The following CYB5R4 variants were observed in gnomAD, a reference collection of about 807,000 sequenced individuals.
CYB5R4 encodes the protein cytochrome b5 reductase 4.
A neutral mutation model predicts 70.2 loss-of-function variants in CYB5R4; 55 were observed. The ratio of observed to expected loss-of-function variants is 0.78; its 90% CI spans 0.63 to 0.98. CYB5R4 has a LOEUF of 0.98. CYB5R4 is among the 50% of genes least tolerant of loss of function. CYB5R4 has a pLI of 0.00. For missense variants in CYB5R4, 562 were observed against 612.6 expected (o/e 0.92, Z 0.87); for synonymous variants, 197 against 199.5 (o/e 0.99, Z 0.11).
rs191172708 is a variant in CYB5R4 at position 83,901,959 on chromosome 6, C to G, written c.331-7050C>G. 2.6e-3 allele frequency among the ~76,000 whole-genome samples: 402 copies of G among 152,048 alleles called. 3 individuals carry two copies. Among genetic ancestry groups the G allele is most frequent in the African/African-American group, 9.3e-3 (386 of 41,478 alleles). ...GATAAATAGAGTGCAGATATTTTCTCCCATTCAACATGTTGTGTCTTCACT... is the reference window on the plus strand; with the variant it reads ...GATAAATAGAGTGCAGATATTTTCTGCCATTCAACATGTTGTGTCTTCACT... On this transcript the variant is annotated intron_variant, in intron 3 of 15. Coordinates refer to ENST00000369681, the MANE Select transcript of CYB5R4 (RefSeq NM_016230.4).
intron 2 of CYB5R4, among the ~76,000 whole-genome samples, chr6:83,868,610 G>A (rs958682613): frequency 6.6e-6 from 1 of 152,148 alleles, no homozygotes; most frequent in African/African-American, 2.4e-5. Context: ...TTTGTAGGGG[G>A]ATTACTGCTT....
intron 10 of CYB5R4, among the ~76,000 whole-genome samples, chr6:83,929,749 A>G (rs964233838): frequency 2.0e-5 from 3 of 152,170 alleles, no homozygotes; most frequent in South Asian, 2.1e-4. Flanking sequence ...TAACATTAGC[A>G]TTTTATCTTA....
At chr6:83,901,750 CTAAT>C (rs2099463008) in intron 3 of CYB5R4, among the ~76,000 whole-genome samples, 1 of 149,898 alleles carries the variant, frequency 6.7e-6, no homozygotes, top group African/African-American at 2.5e-5. Context: ...AGGATGATGT[CTAAT>C]TATGGTTTTG....
chr6:83,911,653 A>G (rs545291829), intron 4 of CYB5R4, among the ~76,000 whole-genome samples: 3 of 152,248 alleles, frequency 2.0e-5, no homozygotes, highest in South Asian at 2.1e-4. Flanking sequence ...TACTTCTTCT[A>G]TAGAGTCCTT....
intron 9 of CYB5R4, among the ~76,000 whole-genome samples, chr6:83,922,919 G>A (rs1249926154): frequency 6.6e-6 from 1 of 151,828 alleles, no homozygotes; most frequent in Non-Finnish European, 1.5e-5. Flanking sequence ...CTCCTGAGTA[G>A]TTGAGATCAC....
chr6:83,948,476 C>T lies in CYB5R4; in HGVS notation c.1347-6822C>T, dbSNP rs376305468. On this transcript the variant is annotated intron_variant, in intron 14 of 15. Coordinates refer to ENST00000369681, the MANE Select transcript of CYB5R4 (RefSeq NM_016230.4). ...CACATGTATACCTATGTAACCTGCA[C>T]GTTCTACACATGTATCCCAGAACTT... is the stretch of plus-strand genomic sequence containing the variant. Among the ~76,000 whole-genome samples, 33 of 151,006 alleles carry T rather than the reference C, an allele frequency of 2.2e-4. No homozygotes were observed. In the East Asian group the frequency reaches 5.1e-3, roughly 23 times the overall value.
chr6:83,894,717 T>A (rs907358033), intron 3 of CYB5R4, among the ~76,000 whole-genome samples: 6 of 152,316 alleles, frequency 3.9e-5, no homozygotes, highest in Admixed American at 3.3e-4. Context: ...TACTATATTC[T>A]TACAATAAAG....
rs2099474182 is a variant in CYB5R4, at chr6:83,966,950, G to T, written c.*7072G>T. ...TAGTAAAATTACTGAACCATGAAAA[G>T]TAAATGCCTTTAGTTATCTAAACAA... is the stretch of plus-strand genomic sequence containing the variant. On this transcript the variant is annotated 3_prime_UTR_variant, in exon 16 of 16. Transcript: ENST00000369681. 6.6e-6 allele frequency: 1 copy of T among 152,072 alleles called. No homozygotes were observed. The highest frequency in any genetic ancestry group is 2.4e-5 in the African/African-American group (1 of 41,424). 9.4% of individuals were successfully genotyped at this position (152,072 alleles called of 1,614,324 possible).
intron 14 of CYB5R4, among the ~76,000 whole-genome samples, chr6:83,941,101 C>T (rs1000772077): frequency 6.6e-6 from 1 of 152,130 alleles, no homozygotes; most frequent in Non-Finnish European, 1.5e-5. Flanking sequence ...ATTAACACTT[C>T]TTCGCTCTTT....
At chr6:83,872,492 G>C (rs1490362276) in intron 2 of CYB5R4, among the ~76,000 whole-genome samples, 2 of 152,140 alleles carry the variant, frequency 1.3e-5, no homozygotes, top group Non-Finnish European at 2.9e-5. Context: ...AACTATTTTG[G>C]CTTAAGCAGA....
chr6:83,960,095 A>G lies in CYB5R4; in HGVS notation c.*217A>G, dbSNP rs2099473088. On this transcript the variant is annotated 3_prime_UTR_variant, in exon 16 of 16. Transcript: ENST00000369681. Reference sequence around the variant, plus strand: ...TACTGATATTTGACCTGGAAAGTTAATCATGGCAACAAATACATACAGGAT... The same window carrying G: ...TACTGATATTTGACCTGGAAAGTTAGTCATGGCAACAAATACATACAGGAT... The G allele has an allele frequency of 2.6e-6, 1 of 388,096 alleles. No homozygotes were observed. Among genetic ancestry groups the G allele is most frequent in the Non-Finnish European group, 4.6e-6 (1 of 219,200 alleles). 24.0% of individuals were successfully genotyped at this position (388,096 alleles called of 1,614,324 possible). A position where few individuals can be genotyped will look rare whatever the true frequency, so the allele number is the denominator to read the frequency against.
intron 3 of CYB5R4, among the ~76,000 whole-genome samples, chr6:83,899,513 T>C: frequency 6.6e-6 from 1 of 152,192 alleles, no homozygotes; most frequent in Non-Finnish European, 1.5e-5. Context: ...TCTTTTTCTA[T>C]TGATTGGAAT....
At position 83,924,103 on chromosome 6, in the gene CYB5R4, T is replaced by C. The variant is rs557463196; in HGVS notation, c.692-367T>C. ...AAAAAAAAAAAAGAATTAAATTTGC[T>C]TTTGTGGGGGCATTCGATGCTAATT... is the stretch of plus-strand genomic sequence containing the variant. On this transcript the variant is annotated intron_variant, in intron 9 of 15. Transcript: ENST00000369681. Among the ~76,000 whole-genome samples the C allele has an allele frequency of 2.9e-3, 435 of 148,356 alleles. 1 individual carries two copies. The highest frequency in any genetic ancestry group is 9.0e-3 in the African/African-American group (363 of 40,456).
In CYB5R4 at chr6:83,963,965, AT is replaced by A; in HGVS notation, c.*4091del. 3 of 210,546 alleles carry A rather than the reference AT, an allele frequency of 1.4e-5. No homozygotes were observed. The highest frequency in any genetic ancestry group is 2.8e-5 in the Non-Finnish European group (3 of 108,854). The allele number at this position is 210,546 out of a possible 1,614,324, so 13.0% of individuals were successfully genotyped here. A position where few individuals can be genotyped will look rare whatever the true frequency, so the allele number is the denominator to read the frequency against. On this transcript the variant is annotated 3_prime_UTR_variant, in exon 16 of 16. Transcript: ENST00000369681. ...GGGTTTCCGCTTTTGCATCTTACTC[AT>A]TTTCTCTTGCGGCCGCCATGTAAGA...
intron 3 of CYB5R4, among the ~76,000 whole-genome samples, chr6:83,895,381 G>T (rs2099461710): frequency 6.6e-6 from 1 of 152,070 alleles, no homozygotes; most frequent in South Asian, 2.1e-4. Context: ...GACCAGGCTG[G>T]TCTTGAACTC....
chr6:83,871,181 T>C (rs1017227485), intron 2 of CYB5R4, among the ~76,000 whole-genome samples: 2 of 152,014 alleles, frequency 1.3e-5, no homozygotes, highest in Non-Finnish European at 1.5e-5. Flanking sequence ...GGTTTCACCA[T>C]GTTGGCCAGG....
intron 2 of CYB5R4, among the ~76,000 whole-genome samples, chr6:83,865,979 C>T (rs2099456665): frequency 6.6e-6 from 1 of 152,154 alleles, no homozygotes; most frequent in Non-Finnish European, 1.5e-5. Flanking sequence ...CCTCTTTATC[C>T]TTCCTTCATG....
At chr6:83,882,370 C>T (rs1050493010) in intron 2 of CYB5R4, among the ~76,000 whole-genome samples, 3 of 152,092 alleles carry the variant, frequency 2.0e-5, no homozygotes, top group East Asian at 3.9e-4. Context: ...ATCTTGTATA[C>T]GGGACAGACT....
intron 7 of CYB5R4, among the ~76,000 whole-genome samples, chr6:83,919,811 A>G (rs941887924): frequency 2.6e-5 from 4 of 150,980 alleles, no homozygotes; most frequent in Non-Finnish European, 4.4e-5. Context: ...TAAAGCATGG[A>G]TAACAAAAAA....
Sources: gnomAD v4.1 joint callset for allele counts (sites outside exome capture counted in the v4.1 genomes callset) on GRCh38, gnomAD v4.1.1 for gene constraint, MANE v1.5 for transcripts, NCBI Gene and HGNC (gene_info 2026-07-23, HGNC 2026-07-21) for gene names.